KCNH1: variants seen among roughly 807,000 people sequenced by gnomAD.
KCNH1 encodes potassium voltage-gated channel subfamily H member 1.
In KCNH1, 27 loss-of-function variants were observed where a neutral mutation model predicts 69.2. The observed-to-expected ratio is 0.39, with a 90% CI of 0.29 to 0.54. The LOEUF (loss-of-function observed/expected upper bound fraction) is 0.54. KCNH1 is among the 20% of genes least tolerant of loss of function. The pLI is 0.68. For missense variants in KCNH1, 798 were observed against 1,261.6 expected (o/e 0.63, Z 5.57); for synonymous variants, 456 against 487.7 (o/e 0.93, Z 0.86).
chr1:210,681,479 G>C lies in KCNH1; in HGVS notation c.*1802C>G, dbSNP rs530861242. 6.6e-6 allele frequency: 1 copy of C among 152,248 alleles called. No individual in the cohort carries two copies. Among genetic ancestry groups the C allele is most frequent in the Non-Finnish European group, 1.5e-5 (1 of 68,122 alleles). 9.4% of individuals were successfully genotyped at this position (152,248 alleles called of 1,614,324 possible). A position where few individuals can be genotyped will look rare whatever the true frequency, so the allele number is the denominator to read the frequency against. On this transcript the variant is annotated 3_prime_UTR_variant, in exon 11 of 11. Transcript: ENST00000271751. ...TGGAGCAGGACTCTCCCTTGAGCTC[G>C]CAGGCCTTGTCTTCCCAGGGCCATC...
intron 7 of KCNH1, among the ~76,000 whole-genome samples, chr1:210,829,170 T>A (rs1272904930): frequency 6.6e-6 from 1 of 152,136 alleles, no homozygotes; most frequent in Non-Finnish European, 1.5e-5. Flanking sequence ...GAAACTGGAG[T>A]TCTGACTCAG....
At position 210,683,128 on chromosome 1, in the gene KCNH1, TAGAG is replaced by T. The variant is rs1402579968; in HGVS notation, c.*149_*152del. The T allele has an allele frequency of 5.3e-6, 4 of 755,474 alleles. No individual in the cohort carries two copies. Among genetic ancestry groups the T allele is most frequent in the Admixed American group, 2.3e-5 (1 of 43,028 alleles). 46.8% of individuals were successfully genotyped at this position (755,474 alleles called of 1,614,324 possible). On this transcript the variant is annotated 3_prime_UTR_variant, in exon 11 of 11. Coordinates refer to ENST00000271751, the MANE Select transcript of KCNH1 (RefSeq NM_172362.3). The surrounding 1 kb of genome is among the most constrained non-coding windows in gnomAD (Gnocchi z 5.7). ...TACCCTTCCCATATCTTTTTCCAGA[TAGAG>T]AAAGAGCACGTCTAAGCCACTGGCC... is the stretch of plus-strand genomic sequence containing the variant.
chr1:211,106,288 T>C (rs1188399672), intron 2 of KCNH1, among the ~76,000 whole-genome samples: 1 of 152,242 alleles, frequency 6.6e-6, no homozygotes, highest in African/African-American at 2.4e-5. Context: ...CCAGGCTATA[T>C]GTCTGGCTCA....
At chr1:210,805,071 T>C (rs554219008) in intron 7 of KCNH1, among the ~76,000 whole-genome samples, 2 of 152,346 alleles carry the variant, frequency 1.3e-5, no homozygotes, top group South Asian at 4.1e-4. Context: ...GCCCTCCATC[T>C]GTCACCACGA....
At position 210,879,377 on chromosome 1, in the gene KCNH1, A is replaced by G. The variant is rs1249030861; in HGVS notation, c.1462+40263T>C. ...AATTCTCAACATATTAGCAAATTAAATCCAACAATGAATAAAAATAATTAT... is the reference window on the plus strand; with the variant it reads ...AATTCTCAACATATTAGCAAATTAAGTCCAACAATGAATAAAAATAATTAT... On this transcript the variant is annotated intron_variant, in intron 7 of 10. Transcript: ENST00000271751. Among the ~76,000 whole-genome samples, 4 of 152,070 alleles carry G rather than the reference A, an allele frequency of 2.6e-5. No homozygotes were observed. In the East Asian group the frequency reaches 7.7e-4, roughly 29 times the overall value.
intron 3 of KCNH1, among the ~76,000 whole-genome samples, chr1:211,102,330 C>T (rs1016772783): frequency 2.0e-5 from 3 of 152,180 alleles, no homozygotes; most frequent in Admixed American, 6.5e-5. Context: ...GGTTGGTATG[C>T]TTCTGGTACG....
At chr1:210,853,946 C>CAAAAAAAAA (rs11445997) in intron 7 of KCNH1, among the ~76,000 whole-genome samples, 2,389 of 61,134 alleles carry the variant, frequency 0.039, 223 homozygotes, top group Non-Finnish European at 0.05. Context: ...TTATCTAAGC[C>CAAAAAAAAA]AAAAAAAAAA....
At chr1:210,700,412 G>A (rs1681745143) in intron 10 of KCNH1, among the ~76,000 whole-genome samples, 1 of 152,128 alleles carries the variant, frequency 6.6e-6, no homozygotes, top group Non-Finnish European at 1.5e-5. Flanking sequence ...GCCAAGGCTG[G>A]GGTATAGAGC....
At position 211,070,809 on chromosome 1, in the gene KCNH1, G is replaced by A. The variant is rs969683332; in HGVS notation, c.558+11971C>T. ...TGTTCTCCAGTCTGGGGGACAGAGC[G>A]AGACTCCATCTCAAAAAAAAAAAAA... On this transcript the variant is annotated intron_variant, in intron 5 of 10. Transcript: ENST00000271751. 5.1e-4 allele frequency among the ~76,000 whole-genome samples: 72 copies of A among 141,344 alleles called. 1 individual carries two copies. The highest frequency in any genetic ancestry group is 1.2e-3 in the Admixed American group (16 of 13,358). 92.7% of individuals were successfully genotyped at this position (141,344 alleles called of 152,430 possible).
chr1:210,933,240 A>G (rs909298203), intron 6 of KCNH1, among the ~76,000 whole-genome samples: 1 of 152,116 alleles, frequency 6.6e-6, no homozygotes, highest in African/African-American at 2.4e-5. Flanking sequence ...GGAAATCATC[A>G]TTCTCAGTAA....
intron 3 of KCNH1, among the ~76,000 whole-genome samples, chr1:211,091,814 A>G (rs1571640069): frequency 6.6e-6 from 1 of 152,340 alleles, no homozygotes; most frequent in African/African-American, 2.4e-5. Flanking sequence ...AAATATCTGT[A>G]CAGTCACTCA....
intron 6 of KCNH1, among the ~76,000 whole-genome samples, chr1:211,004,864 C>T (rs933287311): frequency 6.6e-6 from 1 of 151,894 alleles, no homozygotes; most frequent in Admixed American, 6.6e-5. Flanking sequence ...ACAAAGTAGA[C>T]TTTAAAGAAA....
chr1:210,716,074 T>C (rs982055665), intron 10 of KCNH1, among the ~76,000 whole-genome samples: 32 of 151,746 alleles, frequency 2.1e-4, no homozygotes, highest in African/African-American at 7.7e-4. Context: ...TCTTGCCCCC[T>C]CCCCCCGCCA....
At chr1:210,718,476 A>T (rs1341840500) in intron 10 of KCNH1, among the ~76,000 whole-genome samples, 2 of 56,496 alleles carry the variant, frequency 3.5e-5, no homozygotes, top group African/African-American at 2.2e-4. Context: ...TATATATATA[A>T]AATATATACA....
At position 210,718,474 on chromosome 1, in the gene KCNH1, TAAA is replaced by T. The variant is rs1232645192; in HGVS notation, c.2113-34339_2113-34337del. ...AAATATATACATATATGTATATATA[TAAA>T]ATATATACATATATGTATATATATA... On this transcript the variant is annotated intron_variant, in intron 10 of 10. Coordinates refer to ENST00000271751, the MANE Select transcript of KCNH1 (RefSeq NM_172362.3). Among the ~76,000 whole-genome samples the T allele has an allele frequency of 5.7e-4, 20 of 35,362 alleles. 6 individuals carry two copies. The highest frequency in any genetic ancestry group is 4.0e-3 in the African/African-American group (20 of 4,988). 23.2% of individuals were successfully genotyped at this position (35,362 alleles called of 152,430 possible). A position where few individuals can be genotyped will look rare whatever the true frequency, so the allele number is the denominator to read the frequency against.
chr1:210,958,142 T>C (rs1416772360), intron 6 of KCNH1, among the ~76,000 whole-genome samples: 2 of 152,198 alleles, frequency 1.3e-5, no homozygotes, highest in African/African-American at 4.8e-5. Flanking sequence ...TGCTTGTCTG[T>C]AAAGGATTTT....
At chr1:210,867,235 T>C (rs1263373373) in intron 7 of KCNH1, among the ~76,000 whole-genome samples, 1 of 151,804 alleles carries the variant, frequency 6.6e-6, no homozygotes, top group Non-Finnish European at 1.5e-5. Context: ...AACTATTGAA[T>C]TGTACATTTT....
At chr1:210,752,541 T>C (rs2149043440) in intron 10 of KCNH1, among the ~76,000 whole-genome samples, 1 of 152,316 alleles carries the variant, frequency 6.6e-6, no homozygotes, top group East Asian at 1.9e-4. Flanking sequence ...CAAGAACTTC[T>C]GGGGAGAAGA....
At chr1:210,950,756 T>C (rs1319104873) in intron 6 of KCNH1, among the ~76,000 whole-genome samples, 2 of 152,142 alleles carry the variant, frequency 1.3e-5, no homozygotes, top group East Asian at 3.9e-4. Flanking sequence ...GACAGATATA[T>C]CATCTCATTT....
Sources: gnomAD v4.1 joint callset for allele counts (sites outside exome capture counted in the v4.1 genomes callset) on GRCh38, gnomAD v4.1.1 for gene constraint, Gnocchi (gnomAD v3.1) non-coding constraint, MANE v1.5 for transcripts, NCBI Gene and HGNC (gene_info 2026-07-23, HGNC 2026-07-21) for gene names.